The following NSRP1 variants were observed in gnomAD, a reference collection of about 807,000 sequenced individuals.
NSRP1 encodes the protein coiled-coil domain containing 55.
In NSRP1, 24 loss-of-function variants were observed where a neutral mutation model predicts 54.7. The observed-to-expected ratio is 0.44, with a 90% confidence interval of 0.32 to 0.62. NSRP1 has a LOEUF of 0.62. NSRP1 is among the 20% of genes least tolerant of loss of function. The pLI is 0.06. For synonymous variants in NSRP1, 210 were observed against 213.8 expected (o/e 0.98, Z 0.15); for missense variants, 596 against 651.2 (o/e 0.92, Z 0.92).
intron 4 of NSRP1, 139 bp downstream of exon 4, chr17:30,178,338 A>G (rs527273862): frequency 2.9e-5 from 25 of 852,764 alleles, no homozygotes; most frequent in South Asian, 8.6e-5. Context: ...AGATATTACA[A>G]ATTTGATTGT....
At chr17:30,171,096 G>C (rs1904915082) in intron 2 of NSRP1, among the ~76,000 whole-genome samples, 1 of 151,660 alleles carries the variant, frequency 6.6e-6, no homozygotes, top group Non-Finnish European at 1.5e-5. Flanking sequence ...GTAATCTTTA[G>C]TTTTGCCCAT....
intron 2 of NSRP1, 71 bp from the exon 3 acceptor site, chr17:30,172,471 T>C (rs1052654782): frequency 8.4e-7 from 1 of 1,186,948 alleles, no homozygotes; most frequent in East Asian, 2.6e-5. Flanking sequence ...GTATTTTAGA[T>C]AGGGGACGCT....
At chr17:30,147,904 C>T (rs1030521747) in intron 2 of NSRP1, among the ~76,000 whole-genome samples, 2 of 152,012 alleles carry the variant, frequency 1.3e-5, no homozygotes, top group African/African-American at 2.4e-5. Context: ...CTCTGCTTCC[C>T]GGGTTCAAGC....
intron 3 of NSRP1, among the ~76,000 whole-genome samples, chr17:30,174,543 C>G (rs1262621685): frequency 2.0e-5 from 3 of 152,116 alleles, no homozygotes; most frequent in Non-Finnish European, 4.4e-5. Flanking sequence ...CTGATGATGG[C>G]AACATTATTG....
In NSRP1 at chr17:30,122,349, T is replaced by TGTGTGTATATATATATATA. The variant is rs1481107161; in HGVS notation, c.114+4176_114+4177insGTGTGTATATATATATATA. 11 of 72,302 alleles carry TGTGTGTATATATATATATA rather than the reference T, an allele frequency of 1.5e-4. 1 individual carries two copies. The highest frequency in any genetic ancestry group is 5.7e-4 in the African/African-American group (10 of 17,582). 4.5% of individuals were successfully genotyped at this position (72,302 alleles called of 1,614,324 possible). On this transcript the variant is annotated intron_variant, in intron 2 of 6. Transcript: ENST00000247026. Reference sequence around the variant, plus strand: ...TTTCTGGTTCATATGATAACTCTGGTTTCATATATATATATATATATATAT... The same window carrying TGTGTGTATATATATATATA: ...TTTCTGGTTCATATGATAACTCTGGTGTGTGTATATATATATATATTCATATATATATATATATATATAT...
chr17:30,137,104 C>T (rs1434587871), intron 2 of NSRP1, among the ~76,000 whole-genome samples: 2 of 152,078 alleles, frequency 1.3e-5, no homozygotes, highest in African/African-American at 4.8e-5. Context: ...TAATAGCAGG[C>T]ATCCTTTTCT....
At chr17:30,119,005 C>A (rs1248928303) in intron 2 of NSRP1, among the ~76,000 whole-genome samples, 1 of 152,104 alleles carries the variant, frequency 6.6e-6, no homozygotes, top group Non-Finnish European at 1.5e-5. Context: ...GCCTCAGCTT[C>A]CCAAAGTGCT....
intron 2 of NSRP1, among the ~76,000 whole-genome samples, chr17:30,140,895 G>T (rs568188974): frequency 3.3e-5 from 5 of 152,222 alleles, no homozygotes; most frequent in African/African-American, 1.2e-4. Flanking sequence ...TCACTGTGTA[G>T]CCAGGACCTC....
chr17:30,162,391 T>C (rs781773479), intron 2 of NSRP1, among the ~76,000 whole-genome samples: 48 of 152,320 alleles, frequency 3.2e-4, no homozygotes, highest in Non-Finnish European at 5.6e-4. Flanking sequence ...TTATATTACA[T>C]AATGAAAATG....
At position 30,185,852 on chromosome 17, in the gene NSRP1, G is replaced by A; in HGVS notation, c.*178G>A. The stretch of plus-strand genomic sequence containing the variant: ...TTGGATGTTTGGATGTGGATGTTTG[G>A]CTGAATTTATATATAGTGTGTACTC... On this transcript the variant is annotated 3_prime_UTR_variant, in exon 7 of 7. Coordinates refer to ENST00000247026, the MANE Select transcript of NSRP1 (RefSeq NM_032141.4). 1.7e-6 allele frequency: 1 copy of A among 595,816 alleles called. No individual in the cohort carries two copies. The highest frequency in any genetic ancestry group is 2.8e-6 in the Non-Finnish European group (1 of 361,664). 36.9% of individuals were successfully genotyped at this position (595,816 alleles called of 1,614,324 possible). A position where few individuals can be genotyped will look rare whatever the true frequency, so the allele number is the denominator to read the frequency against.
chr17:30,178,878 A>C (rs548199587), intron 4 of NSRP1, among the ~76,000 whole-genome samples: 81 of 152,230 alleles, frequency 5.3e-4, no homozygotes, highest in African/African-American at 1.9e-3. Context: ...TTAAAGTTAA[A>C]TCGCATTATA....
intron 3 of NSRP1, among the ~76,000 whole-genome samples, chr17:30,173,607 A>C (rs1010370363): frequency 5.9e-5 from 9 of 152,192 alleles, no homozygotes; most frequent in African/African-American, 2.2e-4. Flanking sequence ...CTGCATAAAG[A>C]TAAGTTTATT....
chr17:30,140,600 C>G (rs1000811256), intron 2 of NSRP1, among the ~76,000 whole-genome samples: 1 of 134,396 alleles, frequency 7.4e-6, no homozygotes, highest in East Asian at 2.3e-4. Flanking sequence ...GTGATCTCGG[C>G]TCACTGCAAC....
chr17:30,121,514 G>A (rs1474507496), intron 2 of NSRP1, among the ~76,000 whole-genome samples: 1 of 133,676 alleles, frequency 7.5e-6, no homozygotes, highest in Admixed American at 7.9e-5. Context: ...TTCACACACT[G>A]TATACTTTAC....
At chr17:30,143,492 C>T (rs1011702132) in intron 2 of NSRP1, among the ~76,000 whole-genome samples, 1 of 151,926 alleles carries the variant, frequency 6.6e-6, no homozygotes, top group Non-Finnish European at 1.5e-5. Context: ...AGGTGCCAAA[C>T]TATTGCTTGT....
chr17:30,158,411 C>G (rs1904391410), intron 2 of NSRP1, among the ~76,000 whole-genome samples: 1 of 150,272 alleles, frequency 6.7e-6, no homozygotes, highest in East Asian at 2.0e-4. Flanking sequence ...TCTCATTCAT[C>G]AGGTTGTCTC....
At chr17:30,181,311 T>C (rs560444520) in intron 6 of NSRP1, among the ~76,000 whole-genome samples, 3 of 152,282 alleles carry the variant, frequency 2.0e-5, no homozygotes, top group East Asian at 1.9e-4. Context: ...ATAAAGTTTC[T>C]GAATTTTTAA....
At chr17:30,150,629 C>A (rs1477099518) in intron 2 of NSRP1, 1 of 150,982 alleles carries the variant, frequency 6.6e-6, no homozygotes, top group East Asian at 1.9e-4. Context: ...CTCGGCCTCC[C>A]AAAGTGCTGG....
At chr17:30,172,729 C>T in intron 3 of NSRP1, 131 bp downstream of exon 3, 1 of 615,988 alleles carries the variant, frequency 1.6e-6, no homozygotes, top group Non-Finnish European at 2.8e-6. Flanking sequence ...AGAATTAGCT[C>T]CTTATTGCTG....
Sources: gnomAD v4.1 joint callset for allele counts (sites outside exome capture counted in the v4.1 genomes callset) on GRCh38, gnomAD v4.1.1 for gene constraint, MANE v1.5 for transcripts, NCBI Gene and HGNC (gene_info 2026-07-23, HGNC 2026-07-21) for gene names.